Variants in NSG1 observed in about 807,000 individuals in gnomAD.
NSG1 encodes neuronal vesicle trafficking associated 1, also known as neuronal vesicle trafficking-associated protein 1.
In NSG1, 9 loss-of-function variants were observed where a neutral mutation model predicts 19.3. The observed-to-expected ratio is 0.47, with a 90% CI of 0.28 to 0.81. The LOEUF (loss-of-function observed/expected upper bound fraction) is 0.81. NSG1 is among the 40% of genes least tolerant of loss of function. The probability of loss-of-function intolerance (pLI) is 0.11; values close to 1 mark genes in which losing one functional copy is unlikely to be tolerated. For missense variants in NSG1, 236 were observed against 242.4 expected (o/e 0.97, Z 0.18); for synonymous variants, 104 against 107.0 (o/e 0.97, Z 0.17).
chr4:4,405,653 C>T (rs1723814184), intron 3 of NSG1, among the ~76,000 whole-genome samples: 1 of 152,146 alleles, frequency 6.6e-6, no homozygotes, highest in Non-Finnish European at 1.5e-5. Context: ...CTGAGGAGAC[C>T]CCAGCTCCAG....
At chr4:4,389,526 G>A (rs189156784) in intron 2 of NSG1, among the ~76,000 whole-genome samples, 10 of 152,172 alleles carry the variant, frequency 6.6e-5, no homozygotes, top group Admixed American at 3.3e-4. Flanking sequence ...AAGGTCACTG[G>A]GCTGAAGGTT....
rs147007680 is a variant in NSG1 at position 4,404,080 on chromosome 4, C to T, written c.247-5493C>T. Among the ~76,000 whole-genome samples, 309 of 152,362 alleles carry T rather than the reference C, an allele frequency of 2.0e-3. 4 individuals are homozygous for T. The highest frequency in any genetic ancestry group is 9.9e-3 in the Admixed American group (151 of 15,304). On this transcript the variant is annotated intron_variant, in intron 3 of 4. Coordinates refer to ENST00000621129, the MANE Select transcript of NSG1 (RefSeq NM_014392.5). ...CTCCCATGATTCTCATTGGCAGCCACAGTTGAGTCCATTTTGTACCCAGGC... is the reference window on the plus strand; with the variant it reads ...CTCCCATGATTCTCATTGGCAGCCATAGTTGAGTCCATTTTGTACCCAGGC...
intron 3 of NSG1, among the ~76,000 whole-genome samples, chr4:4,399,655 A>G (rs916240645): frequency 6.6e-6 from 1 of 151,902 alleles, no homozygotes; most frequent in Non-Finnish European, 1.5e-5. Flanking sequence ...TTTTTCTTCT[A>G]TTGCTTGTAT....
At chr4:4,412,039 G>A (rs957627558) in intron 4 of NSG1, among the ~76,000 whole-genome samples, 3 of 152,196 alleles carry the variant, frequency 2.0e-5, no homozygotes, top group Admixed American at 6.5e-5. Context: ...CCTCCGCAAA[G>A]TGAGGAGTGT....
At chr4:4,391,845 ACTGT>A (rs1485583976) in intron 3 of NSG1, among the ~76,000 whole-genome samples, 2 of 152,186 alleles carry the variant, frequency 1.3e-5, no homozygotes, top group African/African-American at 4.8e-5. Flanking sequence ...CCACCCACAA[ACTGT>A]CTTTTAGGCA....
At chr4:4,394,102 A>C (rs1723128438) in intron 3 of NSG1, among the ~76,000 whole-genome samples, 1 of 152,156 alleles carries the variant, frequency 6.6e-6, no homozygotes, top group African/African-American at 2.4e-5. Context: ...TTTTACATAG[A>C]GGGGAAACTG....
At chr4:4,387,310 AGGACCGG>A in intron 1 of NSG1, 137 bp downstream of exon 1, 1 of 303,654 alleles carries the variant, frequency 3.3e-6, no homozygotes, top group Non-Finnish European at 6.1e-6. Flanking sequence ...CGGCGGCCCC[AGGACCGG>A]GGACCGGGTC....
chr4:4,387,832 A>C, intron 2 of NSG1, 74 bp downstream of exon 2: 15 of 1,249,140 alleles, frequency 1.2e-5, no homozygotes, highest in Non-Finnish European at 1.7e-5. Flanking sequence ...CAACAAAAGA[A>C]ACGCGCCGCG....
intron 3 of NSG1, among the ~76,000 whole-genome samples, chr4:4,394,357 C>T (rs1418308693): frequency 1.3e-5 from 2 of 152,178 alleles, no homozygotes; most frequent in African/African-American, 2.4e-5. Context: ...ACAGGTACCC[C>T]GGAAGCCTCC....
intron 3 of NSG1, among the ~76,000 whole-genome samples, chr4:4,409,302 C>T (rs1724039005): frequency 6.6e-6 from 1 of 152,240 alleles, no homozygotes; most frequent in Non-Finnish European, 1.5e-5. Context: ...CATATCTGTA[C>T]CCTGAGCTCT....
intron 3 of NSG1, among the ~76,000 whole-genome samples, chr4:4,396,272 ATT>A (rs1723245143): frequency 2.0e-5 from 3 of 151,814 alleles, no homozygotes; most frequent in Non-Finnish European, 2.9e-5. Context: ...GGAGACTGTC[ATT>A]AGGGGCCGTC....
At chr4:4,394,297 G>A (rs1723139213) in intron 3 of NSG1, among the ~76,000 whole-genome samples, 1 of 152,088 alleles carries the variant, frequency 6.6e-6, no homozygotes. Flanking sequence ...CACACAGAAT[G>A]TGCGGCGCCC....
rs187350101 is a variant in NSG1, at chr4:4,403,330, C to T, written c.247-6243C>T. On this transcript the variant is annotated intron_variant, in intron 3 of 4. Coordinates refer to ENST00000621129, the MANE Select transcript of NSG1 (RefSeq NM_014392.5). ...CATTGCACCAAAATCAAGGGGTGTG[C>T]CGGGCCCTGCTCTGTCCGGAGGCTC... is the stretch of plus-strand genomic sequence containing the variant. Among the ~76,000 whole-genome samples, 149 of 152,330 alleles carry T rather than the reference C, an allele frequency of 9.8e-4. 1 individual carries two copies. Among genetic ancestry groups the T allele is most frequent in the Non-Finnish European group, 1.5e-3 (105 of 68,026 alleles).
intron 3 of NSG1, 23 bp downstream of exon 3, chr4:4,391,614 A>T: frequency 6.6e-7 from 1 of 1,508,318 alleles, no homozygotes; most frequent in Non-Finnish European, 9.1e-7. Context: ...GTGCTGGGTG[A>T]GATGCTGCTT....
intron 3 of NSG1, among the ~76,000 whole-genome samples, chr4:4,404,871 G>C (rs1723768669): frequency 6.6e-6 from 1 of 152,156 alleles, no homozygotes; most frequent in Non-Finnish European, 1.5e-5. Flanking sequence ...TCCTGGGGCA[G>C]GGGGCCTGGC....
At chr4:4,386,854 C>T (rs903875303), upstream of NSG1, 2 of 152,176 alleles carry the variant, frequency 1.3e-5, no homozygotes, top group Non-Finnish European at 2.9e-5. Context: ...CTCCCGCTCC[C>T]CTGTTCCCTC....
chr4:4,397,268 C>T (rs979934555), intron 3 of NSG1, among the ~76,000 whole-genome samples: 56 of 152,124 alleles, frequency 3.7e-4, no homozygotes, highest in African/African-American at 1.4e-3. Context: ...GTCGACCTGG[C>T]GCCATCGACC....
At chr4:4,408,651 G>A (rs1723995098) in intron 3 of NSG1, among the ~76,000 whole-genome samples, 1 of 152,170 alleles carries the variant, frequency 6.6e-6, no homozygotes, top group African/African-American at 2.4e-5. Context: ...GTAGAGATGG[G>A]GTTTCGCCCT....
At position 4,410,046 on chromosome 4, in the gene NSG1, C is replaced by T. The variant is rs141200712; in HGVS notation, c.357+363C>T. 4.6e-5 allele frequency among the ~76,000 whole-genome samples: 7 copies of T among 152,254 alleles called. No homozygotes were observed. In the East Asian group the frequency reaches 9.7e-4, roughly 21 times the overall value. ...GCTCTGGGGGAGGGAGGGAGAGAGA[C>T]GGGACCATGTCCGCCACATGAAAGA... is the stretch of plus-strand genomic sequence containing the variant. On this transcript the variant is annotated intron_variant, in intron 4 of 4. Transcript: ENST00000621129.
Sources: allele counts gnomAD v4.1 joint callset (sites outside exome capture counted in the v4.1 genomes callset), GRCh38; gene constraint gnomAD v4.1.1; transcripts MANE v1.5; gene names NCBI Gene and HGNC (gene_info 2026-07-23, HGNC 2026-07-21).